The following GDF6 variants were observed in gnomAD, a reference collection of about 807,000 sequenced individuals.
GDF6 encodes the protein growth/differentiation factor 6.
GDF6 carries 3 observed loss-of-function variants against 32.4 expected under a neutral mutation model. The ratio of observed to expected loss-of-function variants is 0.09; its 90% CI spans 0.04 to 0.24. The LOEUF (loss-of-function observed/expected upper bound fraction) is 0.24. Ranked by LOEUF, GDF6 falls within the 10% of genes least tolerant of loss-of-function variation. The probability of loss-of-function intolerance (pLI) is 1.00; values close to 1 mark genes in which losing one functional copy is unlikely to be tolerated. For synonymous variants in GDF6, 296 were observed against 295.3 expected, an observed-to-expected ratio of 1.00 and a Z score of -0.03; for missense variants, 589 against 637.9, an observed-to-expected ratio of 0.92 and a Z score of 0.83.
At chr8:96,152,501 G>A (rs1328900651) in intron 1 of GDF6, among the ~76,000 whole-genome samples, 1 of 152,224 alleles carries the variant, frequency 6.6e-6, no homozygotes, top group Non-Finnish European at 1.5e-5. Flanking sequence ...CCAGTCTGGG[G>A]TGGGGATAAG....
rs369859861 is a variant in GDF6 at position 96,160,669 on chromosome 8, G to C, written c.24C>G (p.Leu8=). Reference sequence around the variant, plus strand: ...GAAAACTGATGAGGAAGACGGCCGAGAGCAGGACCCTGGGAGTATCCATGG... The same window carrying C: ...GAAAACTGATGAGGAAGACGGCCGACAGCAGGACCCTGGGAGTATCCATGG... MDTPRVL[L]SAVFLISFLW... Residue 8 remains leucine, a synonymous_variant, in exon 1 of 2, where the codon CTC becomes CTG. Coordinates refer to ENST00000287020, the MANE Select transcript of GDF6 (RefSeq NM_001001557.4). 624 of 1,613,510 alleles carry C rather than the reference G, an allele frequency of 3.9e-4. 1 individual carries two copies. Among genetic ancestry groups the C allele is most frequent in the Non-Finnish European group, 5.0e-4 (590 of 1,179,636 alleles).
chr8:96,160,220 G>T (rs1812736626), intron 1 of GDF6, 67 bp downstream of exon 1: 3 of 1,507,274 alleles, frequency 2.0e-6, no homozygotes, highest in Non-Finnish European at 2.8e-6. Context: ...GTAGCCTCCA[G>T]CGGGAACAGC....
At chr8:96,153,875 A>G (rs1391241270) in intron 1 of GDF6, among the ~76,000 whole-genome samples, 1 of 151,866 alleles carries the variant, frequency 6.6e-6, no homozygotes, top group Non-Finnish European at 1.5e-5. Context: ...AGGAAGGGAG[A>G]GCCGCAATCT....
intron 1 of GDF6, among the ~76,000 whole-genome samples, chr8:96,158,692 A>T (rs2130234508): frequency 6.6e-6 from 1 of 152,320 alleles, no homozygotes; most frequent in African/African-American, 2.4e-5. Context: ...TTAACAGAGG[A>T]CTTTGAGGGA....
In GDF6 at chr8:96,143,960, C is replaced by T. The variant is rs1474908644; in HGVS notation, c.*603G>A. 6.2e-6 allele frequency: 1 copy of T among 160,094 alleles called. No individual in the cohort carries two copies. Among genetic ancestry groups the T allele is most frequent in the East Asian group, 1.9e-4 (1 of 5,378 alleles). 9.9% of individuals were successfully genotyped at this position (160,094 alleles called of 1,614,324 possible). ...AGCTCTTCTATAGGCAGGACCATTC[C>T]TGACTTAACTATTCTTTTTGCCAAT... On this transcript the variant is annotated 3_prime_UTR_variant, in exon 2 of 2. Transcript: ENST00000287020.
chr8:96,149,709 A>G (rs887301158), intron 1 of GDF6, among the ~76,000 whole-genome samples: 3 of 152,228 alleles, frequency 2.0e-5, no homozygotes, highest in African/African-American at 4.8e-5. Context: ...TTGCAAAGTA[A>G]TTACCATTGC....
intron 1 of GDF6, among the ~76,000 whole-genome samples, chr8:96,156,135 G>A (rs998839512): frequency 6.6e-6 from 1 of 152,176 alleles, no homozygotes; most frequent in Non-Finnish European, 1.5e-5. Flanking sequence ...TTCCCATCTC[G>A]TTTTGGTTTT....
intron 1 of GDF6, among the ~76,000 whole-genome samples, chr8:96,152,614 G>A (rs1443789929): frequency 6.6e-6 from 1 of 152,226 alleles, no homozygotes; most frequent in Non-Finnish European, 1.5e-5. Context: ...GGCCAGGCCT[G>A]TGGTGCTTGT....
rs1331925981 is a variant in GDF6 at position 96,143,644 on chromosome 8, C to T, written c.*919G>A. On this transcript the variant is annotated 3_prime_UTR_variant, in exon 2 of 2. Transcript: ENST00000287020. ...GAATCAGAAAGGGCATTTGGGTGGG[C>T]TACCTCCAGCCTGGGCTAATGCACC... 1.3e-5 allele frequency: 2 copies of T among 152,718 alleles called. No individual in the cohort carries two copies. The highest frequency in any genetic ancestry group is 4.8e-5 in the African/African-American group (2 of 41,470). The allele number at this position is 152,718 out of a possible 1,614,324, so 9.5% of individuals were successfully genotyped here.
chr8:96,160,158 A>G, intron 1 of GDF6, 129 bp downstream of exon 1: 1 of 1,014,814 alleles, frequency 9.9e-7, no homozygotes, highest in Non-Finnish European at 1.6e-6. Context: ...GAGAAAAACA[A>G]TTTAAGAAAA....
intron 1 of GDF6, among the ~76,000 whole-genome samples, chr8:96,147,905 A>C (rs1812510092): frequency 6.6e-6 from 1 of 152,222 alleles, no homozygotes; most frequent in Non-Finnish European, 1.5e-5. Flanking sequence ...ATGGTTTGCC[A>C]CTGGCTGGAG....
In GDF6 at chr8:96,145,320, G is replaced by A. The variant is rs999492360; in HGVS notation, c.611C>T (p.Pro204Leu). The change falls in exon 2 of 2, where the codon CCG becomes CTG. Residue 204 changes from proline to leucine, a missense_variant. Around this residue, in one of 2 missense-constraint regions of GDF6, gnomAD observed 436 missense variants for 411.2 expected, o/e 1.06. Coordinates refer to ENST00000287020, the MANE Select transcript of GDF6 (RefSeq NM_001001557.4). This position sits in a 1 kb window ranked among gnomAD's most constrained non-coding sequence, Gnocchi z 5.6. ...PLLLDARTLD[P>L]QGAPPAGWEV... is the part of the protein sequence containing the mutation. ...CCAGCCGGCCGGCGGCGCCCCCTGC[G>A]GGTCCAGGGTCCGCGCGTCCAGCAG... is the stretch of plus-strand genomic sequence containing the variant. 1.3e-6 allele frequency: 2 copies of A among 1,534,116 alleles called. No individual in the cohort carries two copies. Among genetic ancestry groups the A allele is most frequent in the East Asian group, 4.9e-5 (2 of 41,100 alleles).
chr8:96,157,601 C>T lies in GDF6; in HGVS notation c.406+2686G>A, dbSNP rs10481090. ...GCTGCTGGCCCAGCTCTAGGCGGGC[C>T]GCTGCTCTTTCCTCCTCGCCAGGCC... On this transcript the variant is annotated intron_variant, in intron 1 of 1. Transcript: ENST00000287020. Among the ~76,000 whole-genome samples, 1,120 of 152,280 alleles carry T rather than the reference C, an allele frequency of 7.4e-3. 15 individuals carry two copies. Among genetic ancestry groups the T allele is most frequent in the African/African-American group, 0.025 (1,050 of 41,562 alleles).
chr8:96,144,276 GAGAGAGAGAGAGA>G lies in GDF6; in HGVS notation c.*274_*286del, dbSNP rs1812423800. On this transcript the variant is annotated 3_prime_UTR_variant, in exon 2 of 2. Coordinates refer to ENST00000287020, the MANE Select transcript of GDF6 (RefSeq NM_001001557.4). This position sits in a 1 kb window ranked among gnomAD's most constrained non-coding sequence, Gnocchi z 5.1. ...AGAGAGAGAGAGAGAGAGAGAGAGA[GAGAGAGAGAGAGA>G]GAAAACAGAACAAAAGAAATCCTCC... The G allele has an allele frequency of 2.1e-6, 1 of 471,904 alleles. No individual in the cohort carries two copies. Among genetic ancestry groups the G allele is most frequent in the African/African-American group, 2.2e-5 (1 of 44,884 alleles). The allele number at this position is 471,904 out of a possible 1,614,324, so 29.2% of individuals were successfully genotyped here.
intron 1 of GDF6, among the ~76,000 whole-genome samples, chr8:96,152,979 G>A (rs749822272): frequency 6.6e-6 from 1 of 152,200 alleles, no homozygotes; most frequent in Admixed American, 6.5e-5. Flanking sequence ...AAATGAATGA[G>A]AGTGGAGAGA....
chr8:96,160,259 G>T lies in GDF6; in HGVS notation c.406+28C>A, dbSNP rs62516290. 0.078 allele frequency: 126,598 copies of T among 1,612,804 alleles called. 5,711 individuals are homozygous for T. The highest frequency in any genetic ancestry group is 0.093 in the Non-Finnish European group (109,211 of 1,178,714). On this transcript the variant is annotated intron_variant, in intron 1 of 1. Coordinates refer to ENST00000287020, the MANE Select transcript of GDF6 (RefSeq NM_001001557.4). Reference sequence around the variant, plus strand: ...CTGGCTGCCGAGCTCCAGCGGGAGGGGAGTCGAGCGTTTTCTTTGCCACTT... The same window carrying T: ...CTGGCTGCCGAGCTCCAGCGGGAGGTGAGTCGAGCGTTTTCTTTGCCACTT...
At chr8:96,158,290 C>T (rs1300816345) in intron 1 of GDF6, among the ~76,000 whole-genome samples, 1 of 152,166 alleles carries the variant, frequency 6.6e-6, no homozygotes, top group African/African-American at 2.4e-5. Flanking sequence ...TCTCCAGGAT[C>T]GGGGGCATAC....
chr8:96,156,377 CCTCTCT>C (rs10569146), intron 1 of GDF6, among the ~76,000 whole-genome samples: 11,321 of 140,754 alleles, frequency 0.08, 852 homozygotes, highest in African/African-American at 0.18. Context: ...TCTCTCTTTC[CCTCTCT>C]CTCTCTCTCT....
intron 1 of GDF6, among the ~76,000 whole-genome samples, chr8:96,158,501 G>A (rs1436489931): frequency 6.6e-6 from 1 of 152,212 alleles, no homozygotes; most frequent in Non-Finnish European, 1.5e-5. Flanking sequence ...ACCAGTTATG[G>A]TGCCCACTTG....
Sources: allele counts gnomAD v4.1 joint callset (sites outside exome capture counted in the v4.1 genomes callset), GRCh38; gene constraint gnomAD v4.1.1; regional missense constraint gnomAD v4.1.1; non-coding constraint Gnocchi (gnomAD v3.1); transcripts MANE v1.5; gene names NCBI Gene and HGNC (gene_info 2026-07-23, HGNC 2026-07-21).